PTPN1: variants seen among roughly 807,000 people sequenced by gnomAD.
The protein encoded by PTPN1 is tyrosine-protein phosphatase non-receptor type 1.
Under a neutral mutation model 59.9 loss-of-function variants are expected in PTPN1, and 12 were observed. The observed-to-expected ratio is 0.20, with a 90% CI of 0.13 to 0.32. The LOEUF is 0.32. Ranked by LOEUF, PTPN1 falls within the 10% of genes least tolerant of loss-of-function variation. The pLI, the probability that PTPN1 is intolerant of heterozygous loss-of-function variation, is 1.00. For synonymous variants in PTPN1, 178 were observed against 203.6 expected (o/e 0.87, Z 1.07); for missense variants, 356 against 549.2 (o/e 0.65, Z 3.52).
At chr20:50,512,536 AC>A (rs1390715412) in intron 1 of PTPN1, among the ~76,000 whole-genome samples, 1 of 152,174 alleles carries the variant, frequency 6.6e-6, no homozygotes, top group East Asian at 1.9e-4. Flanking sequence ...CCACAATTAA[AC>A]CCCACAAGTT....
chr20:50,514,572 C>G (rs960654980), intron 1 of PTPN1, among the ~76,000 whole-genome samples: 4 of 152,052 alleles, frequency 2.6e-5, no homozygotes, highest in African/African-American at 9.7e-5. Flanking sequence ...TGCTGTGTTG[C>G]CCAGGTTGGT....
chr20:50,527,717 C>T (rs1224623397), intron 1 of PTPN1, among the ~76,000 whole-genome samples: 1 of 152,142 alleles, frequency 6.6e-6, no homozygotes, highest in African/African-American at 2.4e-5. Context: ...TATTTTGCAT[C>T]CTAATTTTAA....
chr20:50,546,991 AT>A (rs1361895198), intron 1 of PTPN1, among the ~76,000 whole-genome samples: 1 of 152,150 alleles, frequency 6.6e-6, no homozygotes, highest in Non-Finnish European at 1.5e-5. Context: ...AGTAGATTTA[AT>A]TTTTTAGACT....
Position 50,583,510 on chromosome 20 carries a change from GTCT to G in PTPN1, c.*800_*802del, listed in dbSNP as rs1215675679. ...CCGTGTGTATTAGAATGCATGTAAG[GTCT>G]TCTTGTGTCCTGATGAAAAATATGT... On this transcript the variant is annotated 3_prime_UTR_variant, in exon 10 of 10. Coordinates refer to ENST00000371621, the MANE Select transcript of PTPN1 (RefSeq NM_002827.4). 2.0e-5 allele frequency: 3 copies of G among 152,202 alleles called. No individual in the cohort carries two copies. Among genetic ancestry groups the G allele is most frequent in the African/African-American group, 4.8e-5 (2 of 41,436 alleles). The allele number at this position is 152,202 out of a possible 1,614,324, so 9.4% of individuals were successfully genotyped here. A position where few individuals can be genotyped will look rare whatever the true frequency, so the allele number is the denominator to read the frequency against.
Position 50,510,551 on chromosome 20 carries a change from G to A in PTPN1, c.24G>A (p.Glu8=), listed in dbSNP as rs1216777545. 21 of 1,551,180 alleles carry A rather than the reference G, an allele frequency of 1.4e-5. No homozygotes were observed. The highest frequency in any genetic ancestry group is 1.7e-5 in the Non-Finnish European group (19 of 1,146,754). The change falls in exon 1 of 10, where the codon GAG becomes GAA. Residue 8 remains glutamate (E), a synonymous_variant. Coordinates refer to ENST00000371621, the MANE Select transcript of PTPN1 (RefSeq NM_002827.4). MEMEKEF[E]QIDKSGSWAA... ...TCATGGAGATGGAAAAGGAGTTCGA[G>A]CAGATCGACAAGTCCGGGAGCTGGG...
chr20:50,558,082 G>A (rs1289028237), intron 1 of PTPN1: 3 of 152,106 alleles, frequency 2.0e-5, no homozygotes, highest in African/African-American at 7.2e-5. Context: ...TGAGCCTCCT[G>A]CCTCAGCTTC....
At chr20:50,574,822 A>C in intron 5 of PTPN1, 168 bp downstream of exon 5, 1 of 783,324 alleles carries the variant, frequency 1.3e-6, no homozygotes, top group Non-Finnish European at 2.0e-6. Flanking sequence ...GTACCTACCA[A>C]GTGCCCAGGG....
At chr20:50,515,492 A>G (rs917061632) in intron 1 of PTPN1, among the ~76,000 whole-genome samples, 2 of 152,074 alleles carry the variant, frequency 1.3e-5, no homozygotes, top group African/African-American at 4.8e-5. Flanking sequence ...AGGTCTCACT[A>G]TATTGCCCAG....
intron 1 of PTPN1, among the ~76,000 whole-genome samples, chr20:50,524,569 C>CTTTTTTGTTTTTTTTTT (rs2082565248): frequency 8.7e-5 from 4 of 45,782 alleles, no homozygotes; most frequent in Non-Finnish European, 1.5e-4. Flanking sequence ...ATTATGTGGT[C>CTTTTTTGTTTTTTTTTT]TTTTTTTTTT....
intron 1 of PTPN1, among the ~76,000 whole-genome samples, chr20:50,529,155 C>A (rs369205552): frequency 1.3e-5 from 2 of 152,194 alleles, no homozygotes; most frequent in African/African-American, 4.8e-5. Flanking sequence ...ATGCCCTGCA[C>A]AGACCATGCC....
At position 50,547,042 on chromosome 20, in the gene PTPN1, A is replaced by G. The variant is rs543032572; in HGVS notation, c.64-14321A>G. Among the ~76,000 whole-genome samples the G allele has an allele frequency of 8.5e-5, 13 of 152,134 alleles. No homozygotes were observed. The East Asian group carries it at 2.5e-3, about 29-fold the overall frequency. On this transcript the variant is annotated intron_variant, in intron 1 of 9. Transcript: ENST00000371621. ...ATGGTTTTGTGGTTCTCAGCATTTT[A>G]AAAAAAATAGTGGTTCCAATATGTT...
chr20:50,517,164 A>G (rs1246556524), intron 1 of PTPN1, among the ~76,000 whole-genome samples: 4 of 152,230 alleles, frequency 2.6e-5, no homozygotes, highest in Admixed American at 1.3e-4. Flanking sequence ...CATCAAATCT[A>G]TTGATCTCTG....
intron 1 of PTPN1, among the ~76,000 whole-genome samples, chr20:50,528,356 G>A (rs1265409034): frequency 1.3e-5 from 2 of 152,050 alleles, no homozygotes; most frequent in African/African-American, 2.4e-5. Context: ...TATAAAGGGC[G>A]GGGCTGCTTT....
intron 1 of PTPN1, among the ~76,000 whole-genome samples, chr20:50,556,891 G>T (rs921134531): frequency 3.9e-5 from 6 of 152,216 alleles, no homozygotes; most frequent in African/African-American, 1.2e-4. Context: ...GTTGTGGTGA[G>T]CCGATATCGC....
intron 1 of PTPN1, among the ~76,000 whole-genome samples, chr20:50,537,060 C>A (rs1289103060): frequency 2.0e-5 from 3 of 152,192 alleles, no homozygotes; most frequent in African/African-American, 7.2e-5. Context: ...CGCGGTGGCT[C>A]ACGCCTGTAA....
At chr20:50,537,807 A>G (rs1036748303) in intron 1 of PTPN1, among the ~76,000 whole-genome samples, 1 of 152,198 alleles carries the variant, frequency 6.6e-6, no homozygotes, top group African/African-American at 2.4e-5. Flanking sequence ...GCTGGATGAT[A>G]CCTAACCAAC....
At chr20:50,581,208 C>T in intron 8 of PTPN1, 57 bp from the exon 9 acceptor site, 2 of 1,534,296 alleles carry the variant, frequency 1.3e-6, no homozygotes, top group Non-Finnish European at 8.8e-7. Context: ...ATAGCAGCAT[C>T]CTTGCCATTC....
chr20:50,554,494 T>A (rs1214732515), intron 1 of PTPN1, among the ~76,000 whole-genome samples: 1 of 151,036 alleles, frequency 6.6e-6, no homozygotes, highest in African/African-American at 2.4e-5. Context: ...AAAAAGGAAG[T>A]CCTTGAAACA....
At chr20:50,553,038 A>G (rs910336860) in intron 1 of PTPN1, among the ~76,000 whole-genome samples, 8 of 151,894 alleles carry the variant, frequency 5.3e-5, no homozygotes, top group Non-Finnish European at 1.2e-4. Context: ...GCTGACATAT[A>G]TTTTGTCTCT....
Sources: allele counts gnomAD v4.1 joint callset (sites outside exome capture counted in the v4.1 genomes callset), GRCh38; gene constraint gnomAD v4.1.1; transcripts MANE v1.5; gene names NCBI Gene and HGNC (gene_info 2026-07-23, HGNC 2026-07-21).